The following ZNF665 variants were observed in gnomAD, a reference collection of about 807,000 sequenced individuals.
ZNF665 encodes zinc finger protein 665.
Under a neutral mutation model 7.9 loss-of-function variants are expected in ZNF665, and 6 were observed. The ratio of observed to expected loss-of-function variants is 0.76; its 90% confidence interval spans 0.42 to 1.50. The LOEUF is 1.50. Ranked by LOEUF, ZNF665 falls within the 40% of genes most tolerant of loss-of-function variation. The pLI, the probability that ZNF665 is intolerant of heterozygous loss-of-function variation, is 0.01. For synonymous variants in ZNF665, 242 were observed against 274.5 expected (o/e 0.88, Z 1.17); for missense variants, 819 against 806.7 (o/e 1.02, Z -0.18).
In ZNF665 at chr19:53,175,557, G is replaced by GA. The variant is rs770797220; in HGVS notation, c.29dup (p.Lys11GlnfsTer32). The GA allele has an allele frequency of 1.2e-6, 2 of 1,602,624 alleles. No homozygotes were observed. Among genetic ancestry groups the GA allele is most frequent in the Non-Finnish European group, 1.7e-6 (2 of 1,177,000 alleles). On this transcript the variant is annotated frameshift_variant, in exon 3 of 4. Transcript: ENST00000396424. LOFTEE classifies it high-confidence loss of function. ...GAGAGAATTCTATGGCCACATCCTT[G>GA]AATGTCAACTGTCCCTAAAATGAAA... is the stretch of plus-strand genomic sequence containing the variant.
At chr19:53,187,250 GC>G (rs1271842084) in intron 1 of ZNF665, among the ~76,000 whole-genome samples, 1 of 2,220 alleles carries the variant, frequency 4.5e-4, no homozygotes, top group African/African-American at 4.0e-3. Flanking sequence ...GGGCAGAGGG[GC>G]TCCTCACTTC....
At chr19:53,167,602 G>A (rs532932189) in intron 3 of ZNF665, among the ~76,000 whole-genome samples, 2,387 of 149,934 alleles carry the variant, frequency 0.016, 66 homozygotes, top group African/African-American at 0.054. Context: ...GCCCGCCACC[G>A]CGCCCGGCTA....
chr19:53,188,864 A>G (rs533998208), intron 1 of ZNF665, among the ~76,000 whole-genome samples: 2 of 151,828 alleles, frequency 1.3e-5, no homozygotes, highest in African/African-American at 2.4e-5. Flanking sequence ...CGGCCAGCTA[A>G]TTTTTGTATT....
intron 3 of ZNF665, among the ~76,000 whole-genome samples, chr19:53,173,954 C>T (rs1050952099): frequency 6.6e-6 from 1 of 152,150 alleles, no homozygotes; most frequent in Admixed American, 6.6e-5. Context: ...CACCCACACC[C>T]ACAAACTGTC....
In ZNF665 at chr19:53,164,133, C is replaced by CT. The variant is rs35735454; in HGVS notation, c.*319dup. On this transcript the variant is annotated 3_prime_UTR_variant, in exon 4 of 4. Coordinates refer to ENST00000396424, the MANE Select transcript of ZNF665 (RefSeq NM_024733.5). Reference sequence around the variant, plus strand: ...CTGGCCGCACTCCTTTGTAAGGTTACTTTTTTTTTTTTTTTTTTTTTGGAG... The same window carrying CT: ...CTGGCCGCACTCCTTTGTAAGGTTACTTTTTTTTTTTTTTTTTTTTTTGGAG... The CT allele has an allele frequency of 0.027, 2,854 of 104,668 alleles. 78 individuals are homozygous for CT. The highest frequency in any genetic ancestry group is 0.06 in the African/African-American group (1,819 of 30,408). 6.5% of individuals were successfully genotyped at this position (104,668 alleles called of 1,614,324 possible).
intron 1 of ZNF665, among the ~76,000 whole-genome samples, chr19:53,189,555 A>G (rs1446728485): frequency 6.1e-5 from 9 of 147,340 alleles, no homozygotes; most frequent in Non-Finnish European, 1.3e-4. Flanking sequence ...TTATTTCTGC[A>G]TATCAGGGAC....
chr19:53,174,945 C>CAAAAAA (rs1168901820), intron 3 of ZNF665, among the ~76,000 whole-genome samples: 1 of 44,260 alleles, frequency 2.3e-5, no homozygotes, highest in Admixed American at 2.4e-4. Context: ...AACTCCGTCT[C>CAAAAAA]AAAAAAAAAA....
chr19:53,174,796 C>T lies in ZNF665; in HGVS notation c.142+649G>A, dbSNP rs184331252. 1.3e-4 allele frequency among the ~76,000 whole-genome samples: 19 copies of T among 151,530 alleles called. No individual in the cohort carries two copies. In the East Asian group the frequency reaches 1.6e-3, roughly 12 times the overall value. ...TCTATTAAAAATACAAAAATTAGCT[C>T]GGCATGGTGGCTAAAGCCTGTAATC... On this transcript the variant is annotated intron_variant, in intron 3 of 3. Coordinates refer to ENST00000396424, the MANE Select transcript of ZNF665 (RefSeq NM_024733.5).
At chr19:53,180,328 G>A (rs1017214916) in intron 2 of ZNF665, among the ~76,000 whole-genome samples, 19 of 152,084 alleles carry the variant, frequency 1.2e-4, no homozygotes, top group Admixed American at 1.2e-3. Context: ...AGCTACTCGG[G>A]AGGCTGAGGC....
chr19:53,170,331 G>A (rs2090648132), intron 3 of ZNF665, among the ~76,000 whole-genome samples: 1 of 152,110 alleles, frequency 6.6e-6, no homozygotes, highest in Non-Finnish European at 1.5e-5. Flanking sequence ...ATGTCATGAT[G>A]CATATATAGA....
Position 53,182,957 on chromosome 19 carries a change from A to C in ZNF665, c.-45-14T>G, listed in dbSNP as rs916908343. On this transcript the variant is annotated splice_polypyrimidine_tract_variant and intron_variant, in intron 1 of 3. Transcript: ENST00000396424. ...CCAGGGTTCTACCTTGGGTAACATGAAAGAGACTTTAGAATTCAATCCTGA... is the reference window on the plus strand; with the variant it reads ...CCAGGGTTCTACCTTGGGTAACATGCAAGAGACTTTAGAATTCAATCCTGA... The C allele has an allele frequency of 5.0e-6, 8 of 1,598,232 alleles. No individual in the cohort carries two copies. In the Admixed American group the frequency reaches 1.0e-4, roughly 20 times the overall value.
At chr19:53,179,787 G>C (rs2090725202) in intron 2 of ZNF665, 1 of 152,076 alleles carries the variant, frequency 6.6e-6, no homozygotes, top group Admixed American at 6.6e-5. Flanking sequence ...CATGCAACTG[G>C]GAACTGAGCC....
chr19:53,175,750 C>T (rs1384841487), intron 2 of ZNF665, among the ~76,000 whole-genome samples, 179 bp from the exon 3 acceptor site: 1 of 152,176 alleles, frequency 6.6e-6, no homozygotes, highest in Non-Finnish European at 1.5e-5. Context: ...GAAAAGGGCT[C>T]ACTTGAAATC....
At chr19:53,177,026 G>T (rs536440797) in intron 2 of ZNF665, among the ~76,000 whole-genome samples, 3 of 152,120 alleles carry the variant, frequency 2.0e-5, no homozygotes, top group Non-Finnish European at 2.9e-5. Context: ...AGCTGAAGCC[G>T]GAGAATCATT....
Position 53,165,856 on chromosome 19 carries a change from C to A in ZNF665, c.634G>T (p.Gly212Cys), listed in dbSNP as rs779971809. ...TTTGAACGAACAGTAAAGGCTTTGC[C>A]ACACTTATTACACTGGTAAGGCTTC... ...GEKPYQCNKC[G>C]KAFTVRSNLT... Residue 212 changes from glycine (G) to cysteine (C), a missense_variant, in exon 4 of 4, where the codon GGC (glycine) becomes TGC (cysteine). Coordinates refer to ENST00000396424, the MANE Select transcript of ZNF665 (RefSeq NM_024733.5). 4.3e-6 allele frequency: 7 copies of A among 1,614,010 alleles called. No individual in the cohort carries two copies. Among genetic ancestry groups the A allele is most frequent in the Non-Finnish European group, 5.9e-6 (7 of 1,180,024 alleles).
In ZNF665 at chr19:53,163,997, G is replaced by C. The variant is rs2146827534; in HGVS notation, c.*456C>G. 6.5e-6 allele frequency: 1 copy of C among 154,408 alleles called. No individual in the cohort carries two copies. The highest frequency in any genetic ancestry group is 1.4e-5 in the Non-Finnish European group (1 of 69,578). 9.6% of individuals were successfully genotyped at this position (154,408 alleles called of 1,614,324 possible). A position where few individuals can be genotyped will look rare whatever the true frequency, so the allele number is the denominator to read the frequency against. Reference sequence around the variant, plus strand: ...AGTATATTCACAGGATTTGAACTCTGATGTCTGTTAATGCTTAAACTCATC... The same window carrying C: ...AGTATATTCACAGGATTTGAACTCTCATGTCTGTTAATGCTTAAACTCATC... On this transcript the variant is annotated 3_prime_UTR_variant, in exon 4 of 4. Coordinates refer to ENST00000396424, the MANE Select transcript of ZNF665 (RefSeq NM_024733.5).
chr19:53,171,534 T>A (rs1233175013), intron 3 of ZNF665, among the ~76,000 whole-genome samples: 2 of 96,272 alleles, frequency 2.1e-5, no homozygotes, highest in Admixed American at 1.1e-4. Context: ...ATTTTTTTTT[T>A]TTTTTTCTTT....
chr19:53,173,084 A>C (rs1022969557), intron 3 of ZNF665, among the ~76,000 whole-genome samples: 2 of 152,142 alleles, frequency 1.3e-5, no homozygotes, highest in African/African-American at 4.8e-5. Context: ...TTTGTTGCAC[A>C]AGCTTCTGGG....
chr19:53,184,062 C>T (rs1428366802), intron 1 of ZNF665, among the ~76,000 whole-genome samples: 1 of 152,008 alleles, frequency 6.6e-6, no homozygotes, highest in Non-Finnish European at 1.5e-5. Context: ...CCAGCCTGGG[C>T]AACATGGCAA....
Sources: allele counts gnomAD v4.1 joint callset (sites outside exome capture counted in the v4.1 genomes callset), GRCh38; gene constraint gnomAD v4.1.1; transcripts MANE v1.5; gene names NCBI Gene and HGNC (gene_info 2026-07-23, HGNC 2026-07-21).